The following VWA3A variants were observed in gnomAD, a reference collection of about 807,000 sequenced individuals.
The protein encoded by VWA3A is von Willebrand factor A domain-containing protein 3A.
In VWA3A, 134 loss-of-function variants were observed where a neutral mutation model predicts 160.4. The ratio of observed to expected loss-of-function variants is 0.84; its 90% CI spans 0.73 to 0.96. The LOEUF is 0.96. VWA3A is among the 40% of genes least tolerant of loss of function. VWA3A has a pLI of 0.00. For missense variants in VWA3A, 1,310 were observed against 1,447.9 expected, an observed-to-expected ratio of 0.90 and a Z score of 1.55; for synonymous variants, 476 against 543.4, an observed-to-expected ratio of 0.88 and a Z score of 1.72.
chr16:22,131,612 C>A lies in VWA3A; in HGVS notation c.1755C>A (p.Gly585=), dbSNP rs775483954. 9 of 1,613,730 alleles carry A rather than the reference C, an allele frequency of 5.6e-6. No homozygotes were observed. The highest frequency in any genetic ancestry group is 7.6e-6 in the Non-Finnish European group (9 of 1,179,768). ...WRWALNLRCR[G]SRNVLSALRK... ...GGGCCCTGAACCTGCGGTGTCGGGG[C>A]AGCAGGAACGTTCTCAGCGCCCTGC... Residue 585 remains glycine, a synonymous_variant, in exon 19 of 34, where the codon GGC becomes GGA. Transcript: ENST00000389398.
intron 12 of VWA3A, among the ~76,000 whole-genome samples, chr16:22,119,999 C>T (rs369210749): frequency 6.9e-6 from 1 of 145,294 alleles, no homozygotes; most frequent in East Asian, 2.0e-4. Flanking sequence ...TCTTGGGTAA[C>T]AGAACAAGAC....
intron 8 of VWA3A, among the ~76,000 whole-genome samples, chr16:22,111,356 G>C (rs931562985): frequency 1.3e-5 from 2 of 151,618 alleles, no homozygotes; most frequent in African/African-American, 2.4e-5. Context: ...ATCTCATTGT[G>C]TCTCCCAGCT....
At chr16:22,131,076 G>C in intron 17 of VWA3A, 129 bp from the exon 18 acceptor site, 1 of 798,618 alleles carries the variant, frequency 1.3e-6, no homozygotes, top group Non-Finnish European at 2.1e-6. Context: ...GCCCAGGCCA[G>C]TGACATCCTC....
intron 6 of VWA3A, 107 bp downstream of exon 6, chr16:22,103,636 T>G: frequency 7.5e-7 from 1 of 1,335,228 alleles, no homozygotes; most frequent in South Asian, 1.4e-5. Flanking sequence ...TTGCTTAAGC[T>G]AAAAAAAGGC....
intron 30 of VWA3A, among the ~76,000 whole-genome samples, chr16:22,152,006 C>T (rs2046356926): frequency 2.0e-5 from 3 of 152,102 alleles, no homozygotes; most frequent in Non-Finnish European, 2.9e-5. Context: ...GTCAGGAGTT[C>T]GAGACCAGCC....
At position 22,134,430 on chromosome 16, in the gene VWA3A, T is replaced by C; in HGVS notation, c.2131T>C (p.Ser711Pro). 1 of 1,591,400 alleles carries C rather than the reference T, an allele frequency of 6.3e-7. No homozygotes were observed. The highest frequency in any genetic ancestry group is 8.6e-7 in the Non-Finnish European group (1 of 1,168,088). The change falls in exon 21 of 34, where the codon TCC becomes CCC. Residue 711 changes from serine (S) to proline (P), a missense_variant. By Grantham distance (74) the Ser-to-Pro change is moderately conservative. Coordinates refer to ENST00000389398, the MANE Select transcript of VWA3A (RefSeq NM_173615.5). ...TGAGATGGAAAAGGCTCTCAACTAC[T>C]CCCAAAAGGTATGCCCTGGGCATGG... is the stretch of plus-strand genomic sequence containing the variant. ...MSEMEKALNY[S>P]QKCAFLMASL... is the part of the protein sequence containing the mutation.
intron 14 of VWA3A, among the ~76,000 whole-genome samples, chr16:22,122,565 G>A (rs553671790): frequency 1.4e-4 from 22 of 152,086 alleles, no homozygotes; most frequent in Non-Finnish European, 2.5e-4. Context: ...GGGACATGTA[G>A]GTCTAGCAGT....
intron 16 of VWA3A, among the ~76,000 whole-genome samples, chr16:22,125,531 C>T (rs1228367238): frequency 2.0e-5 from 3 of 152,042 alleles, no homozygotes; most frequent in Non-Finnish European, 4.4e-5. Flanking sequence ...TCATGCCATT[C>T]TCCTGCCTCA....
chr16:22,100,128 G>A (rs966193273), intron 3 of VWA3A, 66 bp from the exon 4 acceptor site: 1 of 1,478,346 alleles, frequency 6.8e-7, no homozygotes, highest in African/African-American at 1.4e-5. Flanking sequence ...GGGTATCTGT[G>A]TGAAGGGAAC....
In VWA3A at chr16:22,152,616, AG is replaced by A. The variant is rs752518891; in HGVS notation, c.3389del (p.Gly1130AlafsTer18). On this transcript the variant is annotated frameshift_variant, in exon 31 of 34. Coordinates refer to ENST00000389398, the MANE Select transcript of VWA3A (RefSeq NM_173615.5). LOFTEE classifies it high-confidence loss of function. ...LSKIHSLLTK[G>X]FINEKDPTLP... is the part of the protein sequence containing the mutation. ...CCAAAATTCACAGCCTGCTGACCAAAGGCTTCATCAATGAAAAGGTAGGTTG... is the reference window on the plus strand; with the variant it reads ...CCAAAATTCACAGCCTGCTGACCAAAGCTTCATCAATGAAAAGGTAGGTTG... The A allele has an allele frequency of 1.2e-6, 2 of 1,606,950 alleles. No homozygotes were observed. The highest frequency in any genetic ancestry group is 2.2e-5 in the South Asian group (2 of 89,552).
chr16:22,117,336 T>G (rs182311832), intron 11 of VWA3A, among the ~76,000 whole-genome samples, 160 bp downstream of exon 11: 2 of 152,194 alleles, frequency 1.3e-5, no homozygotes, highest in Non-Finnish European at 2.9e-5. Context: ...AAAATCAGGT[T>G]AGAATGAATA....
intron 23 of VWA3A, among the ~76,000 whole-genome samples, chr16:22,140,680 A>G (rs546233714): frequency 3.4e-5 from 5 of 145,426 alleles, no homozygotes; most frequent in East Asian, 2.0e-4. Context: ...GTGTCATCTC[A>G]GCTCACTGCA....
At chr16:22,123,423 C>T in intron 15 of VWA3A, 190 bp from the exon 16 acceptor site, 1 of 1,520,344 alleles carries the variant, frequency 6.6e-7, no homozygotes, top group Non-Finnish European at 8.8e-7. Context: ...CAATGAAATA[C>T]CGTGTGACTC....
In VWA3A at chr16:22,141,620, A is replaced by C. The variant is rs1285122934; in HGVS notation, c.2422A>C (p.Arg808=). 6.2e-7 allele frequency: 1 copy of C among 1,612,538 alleles called. No homozygotes were observed. The highest frequency in any genetic ancestry group is 1.3e-5 in the African/African-American group (1 of 74,898). Residue 808 remains arginine, a synonymous_variant, in exon 24 of 34, where the codon AGG becomes CGG. Coordinates refer to ENST00000389398, the MANE Select transcript of VWA3A (RefSeq NM_173615.5). ...QPTKEGMMEL[R]RKTKSREAET... ...AACGAAAGAAGGGATGATGGAACTGAGGAGGAAGACCAAGTCAAGGGAAGC... is the reference window on the plus strand; with the variant it reads ...AACGAAAGAAGGGATGATGGAACTGCGGAGGAAGACCAAGTCAAGGGAAGC...
At position 22,134,380 on chromosome 16, in the gene VWA3A, G is replaced by A. The variant is rs772963084; in HGVS notation, c.2081G>A (p.Ser694Asn). ...GCTTTGTTTCCAGGCATTTATGAGA[G>A]CGATGACATCAACTCCATCATGTCT... ...HWFGDTGIYE[S>N]DDINSIMSEM... The change falls in exon 21 of 34, where the codon AGC becomes AAC. Residue 694 changes from serine to asparagine, a missense_variant. Ser to Asn is a conservative substitution (Grantham distance 46). Coordinates refer to ENST00000389398, the MANE Select transcript of VWA3A (RefSeq NM_173615.5). 4.4e-6 allele frequency: 7 copies of A among 1,598,958 alleles called. No homozygotes were observed. The South Asian group carries it at 6.8e-5, about 16-fold the overall frequency.
intron 1 of VWA3A, among the ~76,000 whole-genome samples, chr16:22,094,319 GTTTT>G (rs553099796): frequency 1.4e-5 from 2 of 139,328 alleles, no homozygotes. Context: ...AGTAAAGCCA[GTTTT>G]TTTTTTTTTT....
chr16:22,118,043 G>T (rs2045674312), intron 11 of VWA3A, among the ~76,000 whole-genome samples: 1 of 152,190 alleles, frequency 6.6e-6, no homozygotes, highest in Non-Finnish European at 1.5e-5. Context: ...TGCTTTGGAA[G>T]GCCGAGACAG....
intron 30 of VWA3A, 71 bp from the exon 31 acceptor site, chr16:22,152,440 G>C: frequency 6.3e-7 from 1 of 1,580,238 alleles, no homozygotes; most frequent in Non-Finnish European, 8.6e-7. Flanking sequence ...AGTTCCCCAT[G>C]GACGTGGGGA....
intron 17 of VWA3A, among the ~76,000 whole-genome samples, chr16:22,126,907 T>C (rs187291744): frequency 6.7e-6 from 1 of 149,554 alleles, no homozygotes; most frequent in Non-Finnish European, 1.5e-5. Context: ...ATAAATGGTA[T>C]GCAATTTTTA....
Sources: allele counts gnomAD v4.1 joint callset (sites outside exome capture counted in the v4.1 genomes callset), GRCh38; gene constraint gnomAD v4.1.1; transcripts MANE v1.5; gene names NCBI Gene and HGNC (gene_info 2026-07-23, HGNC 2026-07-21).